The following CCDC171 variants were observed in gnomAD, a reference collection of about 807,000 sequenced individuals.
The protein encoded by CCDC171 is coiled-coil domain-containing protein 171.
CCDC171 carries 177 observed loss-of-function variants against 168.2 expected under a neutral mutation model. The ratio of observed to expected loss-of-function variants is 1.05; its 90% confidence interval spans 0.93 to 1.19. The LOEUF is 1.19. Ranked by LOEUF, CCDC171 falls within the 50% of genes most tolerant of loss-of-function variation. CCDC171 has a pLI of 0.00. For missense variants in CCDC171, 1,991 were observed against 1,539.0 expected (o/e 1.29, Z -4.91); for synonymous variants, 687 against 540.8 (o/e 1.27, Z -3.75).
rs137896259 is a variant in CCDC171 at position 15,717,721 on chromosome 9, A to T, written c.1319-4048A>T. Among the ~76,000 whole-genome samples, 56 of 152,288 alleles carry T rather than the reference A, an allele frequency of 3.7e-4. No individual in the cohort carries two copies. In the East Asian group the frequency reaches 0.01, roughly 27 times the overall value. On this transcript the variant is annotated intron_variant, in intron 11 of 25. Transcript: ENST00000380701. Reference sequence around the variant, plus strand: ...CTTAGCTCCCAGATGACATTTCTAGACACACCCTTGGCCAGAAGGGAATCT... The same window carrying T: ...CTTAGCTCCCAGATGACATTTCTAGTCACACCCTTGGCCAGAAGGGAATCT...
chr9:16,023,133 G>A (rs907906436), intron 6 of CCDC171, among the ~76,000 whole-genome samples: 9 of 151,536 alleles, frequency 5.9e-5, no homozygotes, highest in African/African-American at 1.7e-4. Flanking sequence ...TCACTCTGTC[G>A]CCCAGGCTGG....
intron 24 of CCDC171, among the ~76,000 whole-genome samples, chr9:15,892,915 C>T (rs896104308): frequency 2.0e-5 from 3 of 152,106 alleles, no homozygotes; most frequent in African/African-American, 7.2e-5. Context: ...TGACATTCTT[C>T]ACAGAATTAG....
intron 11 of CCDC171, among the ~76,000 whole-genome samples, chr9:15,702,493 C>G (rs900636863): frequency 6.6e-6 from 1 of 152,098 alleles, no homozygotes; most frequent in Non-Finnish European, 1.5e-5. Flanking sequence ...CTTAAGGGCC[C>G]TAGGATTTTT....
At chr9:15,569,848 A>AAAG (rs1563957682) in intron 2 of CCDC171, among the ~76,000 whole-genome samples, 1 of 137,722 alleles carries the variant, frequency 7.3e-6, no homozygotes, top group African/African-American at 3.2e-5. Flanking sequence ...CAAACAAACA[A>AAAG]AAAAAAAATT....
intron 10 of CCDC171, among the ~76,000 whole-genome samples, chr9:15,691,144 A>T (rs9298734): frequency 0.94 from 142,561 of 152,132 alleles, 66,893 homozygotes; most frequent in East Asian, 1. Context: ...ATATGTAAGA[A>T]TGTATATTGT....
intron 11 of CCDC171, among the ~76,000 whole-genome samples, chr9:15,713,934 G>C (rs983617488): frequency 6.6e-6 from 1 of 151,492 alleles, no homozygotes; most frequent in African/African-American, 2.4e-5. Context: ...GTACATTGCT[G>C]GTCCTGCTAG....
chr9:16,090,616 A>T, the CCDC171 span, among the ~76,000 whole-genome samples: 2 of 152,220 alleles, frequency 1.3e-5, no homozygotes, highest in African/African-American at 2.4e-5. Flanking sequence ...ATGAAAGAGA[A>T]GGAAACCAAT....
At chr9:16,023,703 C>CT (rs928112381) in intron 6 of CCDC171, among the ~76,000 whole-genome samples, 5 of 151,624 alleles carry the variant, frequency 3.3e-5, no homozygotes, top group South Asian at 4.2e-4. Context: ...GCTTATTCAA[C>CT]TTTTTTTTTG....
chr9:16,010,785 C>T (rs994073955), intron 3 of CCDC171, among the ~76,000 whole-genome samples: 16 of 150,460 alleles, frequency 1.1e-4, no homozygotes, highest in Admixed American at 6.6e-4. Context: ...GCATGGAATG[C>T]TGAAAAAAGA....
At chr9:15,954,164 T>TTA (rs397894485) in intron 25 of CCDC171, among the ~76,000 whole-genome samples, 5 of 151,306 alleles carry the variant, frequency 3.3e-5, no homozygotes, top group Non-Finnish European at 7.4e-5. Context: ...TTTTTTTTTT[T>TTA]AGTCTTTATT....
intron 16 of CCDC171, among the ~76,000 whole-genome samples, chr9:15,733,990 G>C (rs1290929099): frequency 6.6e-6 from 1 of 151,978 alleles, no homozygotes; most frequent in African/African-American, 2.4e-5. Flanking sequence ...GCCCAGGCTG[G>C]TCTCCAACTC....
At chr9:15,939,247 G>A (rs1827450533) in intron 25 of CCDC171, among the ~76,000 whole-genome samples, 1 of 151,442 alleles carries the variant, frequency 6.6e-6, no homozygotes, top group African/African-American at 2.4e-5. Context: ...TGGCTATGGA[G>A]TAATCACTTT....
chr9:15,688,621 C>T (rs912760163), intron 10 of CCDC171, among the ~76,000 whole-genome samples: 1 of 152,100 alleles, frequency 6.6e-6, no homozygotes, highest in Non-Finnish European at 1.5e-5. Context: ...TCTCAATAGA[C>T]ACAGAAAAAC....
At chr9:15,822,123 T>C (rs2059801564) in intron 21 of CCDC171, among the ~76,000 whole-genome samples, 1 of 152,206 alleles carries the variant, frequency 6.6e-6, no homozygotes, top group South Asian at 2.1e-4. Context: ...GAAAACTGGC[T>C]AGCCATATGT....
At chr9:16,096,230 A>G in the CCDC171 span, among the ~76,000 whole-genome samples, 1 of 152,184 alleles carries the variant, frequency 6.6e-6, no homozygotes, top group African/African-American at 2.4e-5. Flanking sequence ...TGTATGCTTA[A>G]AATAACTCCA....
intron 25 of CCDC171, among the ~76,000 whole-genome samples, chr9:15,932,859 A>G (rs558919150): frequency 4.0e-5 from 6 of 151,816 alleles, no homozygotes; most frequent in Non-Finnish European, 8.8e-5. Context: ...TGAAATGATC[A>G]TATTTTGTCT....
intron 18 of CCDC171, among the ~76,000 whole-genome samples, chr9:15,772,862 A>G (rs1308369587): frequency 6.6e-6 from 1 of 152,212 alleles, no homozygotes; most frequent in East Asian, 1.9e-4. Flanking sequence ...GAGAAATACT[A>G]AGAACAAGAA....
At chr9:15,679,078 C>T (rs1382365144) in intron 10 of CCDC171, among the ~76,000 whole-genome samples, 182 bp downstream of exon 10, 1 of 151,896 alleles carries the variant, frequency 6.6e-6, no homozygotes, top group African/African-American at 2.4e-5. Context: ...AATGAAACCT[C>T]TCTGATTTGG....
At chr9:16,041,721 A>G (rs1316667170), upstream of CCDC171, among the ~76,000 whole-genome samples, 1 of 152,218 alleles carries the variant, frequency 6.6e-6, no homozygotes, top group Non-Finnish European at 1.5e-5. Context: ...GTGATTTCGT[A>G]AATGAGAAAT....
Sources: gnomAD v4.1 joint callset for allele counts (sites outside exome capture counted in the v4.1 genomes callset) on GRCh38, gnomAD v4.1.1 for gene constraint, MANE v1.5 for transcripts, NCBI Gene and HGNC (gene_info 2026-07-23, HGNC 2026-07-21) for gene names.